The following SMYD3 variants were observed in gnomAD, a reference collection of about 807,000 sequenced individuals.
SMYD3 encodes SET and MYND domain containing 3, also known as histone-lysine N-methyltransferase SMYD3.
SMYD3 carries 36 observed loss-of-function variants against 57.7 expected under a neutral mutation model. That is an observed-to-expected ratio of 0.62 (90% CI 0.48 to 0.82). SMYD3 has a LOEUF of 0.82. SMYD3 is among the 40% of genes least tolerant of loss of function. The pLI, the probability that SMYD3 is intolerant of heterozygous loss-of-function variation, is 0.00. For synonymous variants in SMYD3, 211 were observed against 195.0 expected, an observed-to-expected ratio of 1.08 and a Z score of -0.68; for missense variants, 515 against 538.8, an observed-to-expected ratio of 0.96 and a Z score of 0.44.
chr1:246,158,815 G>A (rs2062066808), intron 5 of SMYD3, among the ~76,000 whole-genome samples: 1 of 152,116 alleles, frequency 6.6e-6, no homozygotes, highest in African/African-American at 2.4e-5. Flanking sequence ...AACACGTTTT[G>A]TATGCATTTA....
At chr1:246,155,023 T>C (rs1472037471) in intron 5 of SMYD3, among the ~76,000 whole-genome samples, 11 of 151,982 alleles carry the variant, frequency 7.2e-5, no homozygotes, top group Admixed American at 5.2e-4. Flanking sequence ...CCTTGTGATC[T>C]GCCCGCCTCG....
chr1:246,441,377 C>T (rs1281882199), intron 1 of SMYD3, among the ~76,000 whole-genome samples: 1 of 152,134 alleles, frequency 6.6e-6, no homozygotes, highest in Non-Finnish European at 1.5e-5. Context: ...TTATTTCATA[C>T]TGAAAAGAAC....
intron 5 of SMYD3, among the ~76,000 whole-genome samples, chr1:246,306,342 G>A (rs909645158): frequency 2.6e-5 from 4 of 151,770 alleles, no homozygotes; most frequent in South Asian, 2.1e-4. Context: ...GCAAGACTCC[G>A]TCTCAAAAAA....
intron 5 of SMYD3, among the ~76,000 whole-genome samples, chr1:245,987,456 A>G (rs2058726128): frequency 6.6e-6 from 1 of 152,032 alleles, no homozygotes; most frequent in Non-Finnish European, 1.5e-5. Context: ...AGATCTAGAA[A>G]AAAAACAATT....
intron 5 of SMYD3, among the ~76,000 whole-genome samples, chr1:246,119,463 A>G (rs1359427965): frequency 7.0e-6 from 1 of 142,046 alleles, no homozygotes; most frequent in Non-Finnish European, 1.5e-5. Context: ...ACCAGGCTGG[A>G]GTGTAGGGGC....
chr1:246,109,763 A>G (rs551271585), intron 5 of SMYD3: 13 of 152,216 alleles, frequency 8.5e-5, no homozygotes, highest in Non-Finnish European at 1.8e-4. Flanking sequence ...ACTAAAATAA[A>G]TTCCCTCTGG....
chr1:246,468,908 G>T (rs961871583), intron 1 of SMYD3, among the ~76,000 whole-genome samples: 2 of 152,124 alleles, frequency 1.3e-5, no homozygotes, highest in Admixed American at 1.3e-4. Context: ...CCAAGGAGTT[G>T]GAGGCTACAG....
intron 1 of SMYD3, among the ~76,000 whole-genome samples, chr1:246,378,792 ATTAT>A (rs2066332337): frequency 9.1e-6 from 1 of 110,320 alleles, no homozygotes; most frequent in East Asian, 2.1e-4. Flanking sequence ...TATTTAATAT[ATTAT>A]TTTTATATAT....
rs1410421693 is a variant in SMYD3 at position 246,331,239 on chromosome 1, A to T, written c.337-702T>A. Among the ~76,000 whole-genome samples the T allele has an allele frequency of 2.0e-5, 3 of 152,066 alleles. No homozygotes were observed. In the East Asian group the frequency reaches 5.8e-4, roughly 29 times the overall value. The stretch of plus-strand genomic sequence containing the variant: ...AAATCTAAAAGGCTTCACCACAGCA[A>T]GATTTCACAGAGTTTACTGTTTTGC... On this transcript the variant is annotated intron_variant, in intron 3 of 11. Coordinates refer to ENST00000490107, the MANE Select transcript of SMYD3 (RefSeq NM_001167740.2).
At chr1:245,934,592 G>A (rs2056899958) in intron 5 of SMYD3, among the ~76,000 whole-genome samples, 1 of 152,128 alleles carries the variant, frequency 6.6e-6, no homozygotes, top group African/African-American at 2.4e-5. Flanking sequence ...TAAAGGGTTT[G>A]AAATCTCCAA....
At chr1:246,419,026 C>T (rs183978087) in intron 1 of SMYD3, among the ~76,000 whole-genome samples, 2,776 of 152,280 alleles carry the variant, frequency 0.018, 41 homozygotes, top group South Asian at 0.04. Flanking sequence ...ACCCCCTCCC[C>T]GCCCTTGCGA....
chr1:246,453,156 A>G (rs6691066), intron 1 of SMYD3, among the ~76,000 whole-genome samples: 141,699 of 152,262 alleles, frequency 0.93, 66,414 homozygotes, highest in Non-Finnish European at 0.99. Flanking sequence ...GGGAGAGAGC[A>G]AGGCACAGAG....
At chr1:246,469,939 T>C (rs1211378164) in intron 1 of SMYD3, among the ~76,000 whole-genome samples, 1 of 152,214 alleles carries the variant, frequency 6.6e-6, no homozygotes, top group African/African-American at 2.4e-5. Context: ...CATTGTGTGC[T>C]TCCTGGTGTG....
chr1:246,455,498 G>A (rs1358999248), intron 1 of SMYD3, among the ~76,000 whole-genome samples: 1 of 152,170 alleles, frequency 6.6e-6, no homozygotes, highest in Admixed American at 6.5e-5. Flanking sequence ...CAAATGTTAA[G>A]AGGTTTCCTA....
chr1:246,214,030 G>A (rs2063127210), intron 5 of SMYD3, among the ~76,000 whole-genome samples: 1 of 152,122 alleles, frequency 6.6e-6, no homozygotes, highest in South Asian at 2.1e-4. Context: ...GCAAAAGATG[G>A]TCATGGTTTA....
At chr1:246,041,162 A>G (rs2148294180) in intron 5 of SMYD3, among the ~76,000 whole-genome samples, 1 of 152,338 alleles carries the variant, frequency 6.6e-6, no homozygotes, top group Middle Eastern at 3.4e-3. Flanking sequence ...GATACTTCAC[A>G]GCCCAGGTGT....
chr1:245,794,750 T>C (rs999665436), intron 10 of SMYD3, among the ~76,000 whole-genome samples: 3 of 152,248 alleles, frequency 2.0e-5, no homozygotes, highest in African/African-American at 7.2e-5. Flanking sequence ...TCCTCACCAC[T>C]ATCTCTTAAT....
At chr1:246,260,097 T>C (rs1215975342) in intron 5 of SMYD3, among the ~76,000 whole-genome samples, 1 of 152,152 alleles carries the variant, frequency 6.6e-6, no homozygotes, top group Non-Finnish European at 1.5e-5. Context: ...AGAGTCCCCC[T>C]ATATGAGGAT....
At chr1:245,915,751 C>A in intron 7 of SMYD3, 111 bp from the exon 8 acceptor site, 2 of 629,280 alleles carry the variant, frequency 3.2e-6, no homozygotes, top group Non-Finnish European at 5.3e-6. Context: ...TTATTATAAA[C>A]CAAAAATATA....
Sources: gnomAD v4.1 joint callset for allele counts (sites outside exome capture counted in the v4.1 genomes callset) on GRCh38, gnomAD v4.1.1 for gene constraint, MANE v1.5 for transcripts, NCBI Gene and HGNC (gene_info 2026-07-23, HGNC 2026-07-21) for gene names.